The following SBF2 variants were observed in gnomAD, a reference collection of about 807,000 sequenced individuals.
SBF2 encodes SET binding factor 2, also known as myotubularin-related protein 13.
In SBF2, 112 loss-of-function variants were observed where a neutral mutation model predicts 225.2. The observed-to-expected ratio is 0.50, with a 90% confidence interval of 0.43 to 0.58. The LOEUF is 0.58. SBF2 is among the 20% of genes least tolerant of loss of function. The probability of loss-of-function intolerance (pLI) is 0.00; values close to 1 mark genes in which losing one functional copy is unlikely to be tolerated. For missense variants in SBF2, 1,996 were observed against 2,206.2 expected, an observed-to-expected ratio of 0.90 and a Z score of 1.91; for synonymous variants, 763 against 773.3, an observed-to-expected ratio of 0.99 and a Z score of 0.22.
intron 6 of SBF2, among the ~76,000 whole-genome samples, chr11:10,009,670 T>A (rs576474225): frequency 6.6e-6 from 1 of 152,356 alleles, no homozygotes; most frequent in Admixed American, 6.5e-5. Flanking sequence ...TGATGGACAT[T>A]TGGGTGGGTT....
chr11:10,283,495 G>A (rs754188502), intron 1 of SBF2, among the ~76,000 whole-genome samples: 8 of 151,170 alleles, frequency 5.3e-5, no homozygotes, highest in Admixed American at 1.3e-4. Flanking sequence ...GAAACATGTC[G>A]AATGTTCTCT....
rs536120050 is a variant in SBF2 at position 10,172,201 on chromosome 11, T to C, written c.141+21701A>G. Among the ~76,000 whole-genome samples, 137 of 152,278 alleles carry C rather than the reference T, an allele frequency of 9.0e-4. 1 individual carries two copies. Among genetic ancestry groups the C allele is most frequent in the Middle Eastern group, 6.8e-3 (2 of 294 alleles). Reference sequence around the variant, plus strand: ...TGGGTTTGGTTTGCTCTTGCCTTTCTAGTTCTTTAAGATGCATCATTAGGT... The same window carrying C: ...TGGGTTTGGTTTGCTCTTGCCTTTCCAGTTCTTTAAGATGCATCATTAGGT... On this transcript the variant is annotated intron_variant, in intron 2 of 39. Transcript: ENST00000256190.
In SBF2 at chr11:9,821,864, T is replaced by C. The variant is rs1854776234; in HGVS notation, c.3794-4840A>G. Among the ~76,000 whole-genome samples the C allele has an allele frequency of 2.6e-5, 4 of 152,180 alleles. No individual in the cohort carries two copies. In the South Asian group the frequency reaches 8.3e-4, roughly 31 times the overall value. On this transcript the variant is annotated intron_variant, in intron 28 of 39. Coordinates refer to ENST00000256190, the MANE Select transcript of SBF2 (RefSeq NM_030962.4). ...GGTATATATACATATAAATATAAAA[T>C]ACATTTCTTACTGCGAGTCATGATC...
chr11:10,003,898 A>G (rs1275168110), intron 6 of SBF2, among the ~76,000 whole-genome samples: 2 of 152,106 alleles, frequency 1.3e-5, no homozygotes, highest in Non-Finnish European at 2.9e-5. Flanking sequence ...TTCAACTTTA[A>G]TCATACACAC....
chr11:10,266,479 G>T, intron 1 of SBF2, among the ~76,000 whole-genome samples: 1 of 152,152 alleles, frequency 6.6e-6, no homozygotes, highest in East Asian at 1.9e-4. Flanking sequence ...ACACTGTTTA[G>T]ATACCGTGAG....
At chr11:10,236,347 A>C (rs1404270874) in intron 1 of SBF2, among the ~76,000 whole-genome samples, 1 of 152,204 alleles carries the variant, frequency 6.6e-6, no homozygotes. Context: ...ATGCAGTCCC[A>C]GCTACTCAAG....
chr11:10,083,869 T>C (rs1279216630), intron 2 of SBF2, among the ~76,000 whole-genome samples: 1 of 152,000 alleles, frequency 6.6e-6, no homozygotes, highest in Non-Finnish European at 1.5e-5. Context: ...AAAGCAAAAA[T>C]GGATGGCCAT....
At chr11:10,230,842 T>C (rs1958809690) in intron 1 of SBF2, among the ~76,000 whole-genome samples, 1 of 152,198 alleles carries the variant, frequency 6.6e-6, no homozygotes, top group African/African-American at 2.4e-5. Flanking sequence ...ATTTCCTGAA[T>C]TTGAATGTTG....
At chr11:10,258,168 G>A (rs907843855) in intron 1 of SBF2, among the ~76,000 whole-genome samples, 1 of 150,670 alleles carries the variant, frequency 6.6e-6, no homozygotes, top group East Asian at 1.9e-4. Flanking sequence ...TGAGTGGTGC[G>A]ATCAAACCTC....
chr11:9,905,939 A>AT (rs1180491837), intron 16 of SBF2, among the ~76,000 whole-genome samples: 2 of 151,850 alleles, frequency 1.3e-5, no homozygotes, highest in Non-Finnish European at 2.9e-5. Context: ...TTAGGTTTTT[A>AT]TTTTAAAATA....
chr11:9,819,365 C>A (rs1306440576), intron 28 of SBF2: 2 of 151,992 alleles, frequency 1.3e-5, no homozygotes, highest in African/African-American at 4.8e-5. Context: ...AATGTCAGAG[C>A]AGATTGAGTA....
rs1951146509 is a variant in SBF2, at chr11:10,076,999, T to A, written c.142-34018A>T. Among the ~76,000 whole-genome samples, 3 of 151,878 alleles carry A rather than the reference T, an allele frequency of 2.0e-5. No homozygotes were observed. In the South Asian group the frequency reaches 6.3e-4, roughly 32 times the overall value. On this transcript the variant is annotated intron_variant, in intron 2 of 39. Transcript: ENST00000256190. ...CCATCACCTAAGACATCAGAGTACC[T>A]CTGGTTAACAAAGGTCAAGCATATT...
rs1555073581 is a variant in SBF2, at chr11:10,196,866, A to ATTTTTTT, written c.56-2886_56-2880dup. On this transcript the variant is annotated intron_variant, in intron 1 of 39. Transcript: ENST00000256190. ...TATATATATATATATATATATATAT[A>ATTTTTTT]TTTTTTTTTTCCTACAAAATGAATA... Among the ~76,000 whole-genome samples, 63 of 99,260 alleles carry ATTTTTTT rather than the reference A, an allele frequency of 6.3e-4. 3 individuals are homozygous for ATTTTTTT. Among genetic ancestry groups the ATTTTTTT allele is most frequent in the African/African-American group, 1.1e-3 (28 of 24,796 alleles). 65.1% of individuals were successfully genotyped at this position (99,260 alleles called of 152,430 possible). A position where few individuals can be genotyped will look rare whatever the true frequency, so the allele number is the denominator to read the frequency against.
At chr11:10,008,821 A>C (rs1948313230) in intron 6 of SBF2, among the ~76,000 whole-genome samples, 3 of 152,260 alleles carry the variant, frequency 2.0e-5, no homozygotes, top group Admixed American at 1.3e-4. Flanking sequence ...GACAGAGCCA[A>C]GGAATGCTTT....
chr11:10,027,330 T>C (rs1297776775), intron 6 of SBF2, among the ~76,000 whole-genome samples: 1 of 152,238 alleles, frequency 6.6e-6, no homozygotes, highest in Admixed American at 6.5e-5. Context: ...ATTAGAAGAC[T>C]CTATTTATAT....
intron 2 of SBF2, among the ~76,000 whole-genome samples, chr11:10,151,889 A>G (rs16907509): frequency 0.076 from 11,512 of 152,268 alleles, 623 homozygotes; most frequent in East Asian, 0.28. Context: ...AACATTAATC[A>G]ACTATTACTG....
At chr11:10,019,893 T>A (rs1948784083) in intron 6 of SBF2, among the ~76,000 whole-genome samples, 1 of 152,210 alleles carries the variant, frequency 6.6e-6, no homozygotes. Context: ...TTACACATCC[T>A]AAGCTTTCAT....
intron 17 of SBF2, among the ~76,000 whole-genome samples, chr11:9,872,773 T>C (rs1437613337): frequency 1.3e-5 from 2 of 152,106 alleles, no homozygotes; most frequent in Non-Finnish European, 2.9e-5. Flanking sequence ...CCCGGCACTT[T>C]GGGAGGTTGA....
intron 13 of SBF2, among the ~76,000 whole-genome samples, chr11:9,969,550 T>C (rs369104693): frequency 9.2e-5 from 14 of 152,222 alleles, no homozygotes; most frequent in African/African-American, 3.4e-4. Flanking sequence ...CAGAACTTCT[T>C]GTTCCTGACT....
Sources: gnomAD v4.1 joint callset for allele counts (sites outside exome capture counted in the v4.1 genomes callset) on GRCh38, gnomAD v4.1.1 for gene constraint, MANE v1.5 for transcripts, NCBI Gene and HGNC (gene_info 2026-07-23, HGNC 2026-07-21) for gene names.